THOC7: variants seen among roughly 807,000 people sequenced by gnomAD.
THOC7 encodes the protein THO complex subunit 7, also known as NIF3L1-binding protein 1.
Under a neutral mutation model 33.1 loss-of-function variants are expected in THOC7, and 22 were observed. The ratio of observed to expected loss-of-function variants is 0.66; its 90% CI spans 0.47 to 0.95. THOC7 has a LOEUF of 0.95. Ranked by LOEUF, THOC7 falls within the 40% of genes least tolerant of loss-of-function variation. The probability of loss-of-function intolerance (pLI) is 0.00; values close to 1 mark genes in which losing one functional copy is unlikely to be tolerated. For synonymous variants in THOC7, 77 were observed against 76.8 expected (o/e 1.00, Z -0.01); for missense variants, 184 against 245.3 (o/e 0.75, Z 1.67).
At chr3:63,864,265 C>T (rs1575822173), upstream of THOC7, among the ~76,000 whole-genome samples, 1 of 151,520 alleles carries the variant, frequency 6.6e-6, no homozygotes, top group East Asian at 2.0e-4. Flanking sequence ...TGCGGCCCCG[C>T]CGCCCCATCC....
chr3:63,855,997 T>C (rs1239508142), intron 1 of THOC7, among the ~76,000 whole-genome samples: 1 of 152,244 alleles, frequency 6.6e-6, no homozygotes, highest in Non-Finnish European at 1.5e-5. Context: ...ACTTATCTTT[T>C]AGAAATTATT....
chr3:63,842,822 A>T (rs2107134217), intron 1 of THOC7, among the ~76,000 whole-genome samples: 1 of 152,200 alleles, frequency 6.6e-6, no homozygotes, highest in African/African-American at 2.4e-5. Flanking sequence ...TTCACCACTG[A>T]TCTGGCTGGA....
upstream of THOC7, among the ~76,000 whole-genome samples, chr3:63,864,340 G>T (rs954163434): frequency 5.9e-5 from 9 of 151,992 alleles, no homozygotes; most frequent in Admixed American, 6.5e-5. Context: ...GGGACGCCCG[G>T]ATCCGGCTGA....
At chr3:63,843,121 T>C (rs1210205616) in intron 1 of THOC7, among the ~76,000 whole-genome samples, 2 of 149,624 alleles carry the variant, frequency 1.3e-5, no homozygotes, top group Non-Finnish European at 3.0e-5. Context: ...TATTTGTTTG[T>C]TTGTTTGTTT....
intron 1 of THOC7, among the ~76,000 whole-genome samples, chr3:63,842,547 A>G (rs1701789271): frequency 6.6e-6 from 1 of 152,224 alleles, no homozygotes; most frequent in Admixed American, 6.5e-5. Context: ...TGTCTTCTGC[A>G]GCAACCTGGA....
At chr3:63,850,622 T>C (rs1474456977) in intron 1 of THOC7, among the ~76,000 whole-genome samples, 2 of 142,480 alleles carry the variant, frequency 1.4e-5, no homozygotes, top group African/African-American at 5.4e-5. Context: ...AGTCTCGCTC[T>C]GTCGCCCAGC....
chr3:63,862,373 T>A (rs1702241681), intron 1 of THOC7, among the ~76,000 whole-genome samples: 1 of 152,204 alleles, frequency 6.6e-6, no homozygotes, highest in African/African-American at 2.4e-5. Context: ...TTCCTACAGT[T>A]CCCAACCTTG....
chr3:63,838,315 T>C (rs779672124), intron 3 of THOC7, 57 bp downstream of exon 3: 603 of 1,215,978 alleles, frequency 5.0e-4, no homozygotes, highest in Non-Finnish European at 6.7e-4. Context: ...TAGCAGGTAT[T>C]GTTTCCTTTA....
At chr3:63,860,793 A>G (rs113295452) in intron 1 of THOC7, 193 of 152,324 alleles carry the variant, frequency 1.3e-3, no homozygotes, top group African/African-American at 4.4e-3. Flanking sequence ...GAACTGCCTT[A>G]AATGTTTTCT....
intron 1 of THOC7, chr3:63,863,522 C>G (rs1702289717): frequency 1.7e-6 from 2 of 1,191,928 alleles, no homozygotes; most frequent in Non-Finnish European, 1.0e-6. Flanking sequence ...CCCGCGCTGC[C>G]TCCGGGAGAG....
intron 4 of THOC7, 33 bp from the exon 5 acceptor site, chr3:63,836,391 G>T (rs751415083): frequency 6.2e-7 from 1 of 1,600,582 alleles, no homozygotes; most frequent in East Asian, 2.2e-5. Flanking sequence ...TCAAACTAAG[G>T]ATTTTTTGAA....
intron 1 of THOC7, among the ~76,000 whole-genome samples, chr3:63,856,019 G>A (rs1702109015): frequency 6.6e-6 from 1 of 152,156 alleles, no homozygotes; most frequent in African/African-American, 2.4e-5. Flanking sequence ...CCACAAGTAC[G>A]CGAATATATC....
chr3:63,859,799 T>C (rs1432169974), intron 1 of THOC7, among the ~76,000 whole-genome samples: 1 of 152,188 alleles, frequency 6.6e-6, no homozygotes, highest in Non-Finnish European at 1.5e-5. Flanking sequence ...TCATTTCAGC[T>C]TGATTTTTTC....
rs1229988719 is a variant in THOC7 at position 63,863,763 on chromosome 3, G to A, written c.19+9C>T. ...CAGCGGGCGCGTGTGGCGGCGAGCG[G>A]GGCCTCACCGTCAGTCACGGCTCCC... On this transcript the variant is annotated intron_variant, in intron 1 of 7. Transcript: ENST00000295899. The A allele has an allele frequency of 8.8e-6, 11 of 1,251,838 alleles. No individual in the cohort carries two copies. The highest frequency in any genetic ancestry group is 1.1e-5 in the Non-Finnish European group (11 of 1,005,406). 77.5% of individuals were successfully genotyped at this position (1,251,838 alleles called of 1,614,324 possible).
At chr3:63,841,197 A>G (rs968325996) in intron 1 of THOC7, among the ~76,000 whole-genome samples, 4 of 152,222 alleles carry the variant, frequency 2.6e-5, no homozygotes, top group Non-Finnish European at 5.9e-5. Flanking sequence ...ATATGTGTGG[A>G]AAAAGGAGGC....
At position 63,833,971 on chromosome 3, in the gene THOC7, T is replaced by C. The variant is rs752442373; in HGVS notation, c.*161A>G. On this transcript the variant is annotated 3_prime_UTR_variant, in exon 8 of 8. Coordinates refer to ENST00000295899, the MANE Select transcript of THOC7 (RefSeq NM_025075.4). ...AAAAACAAATCTATACTGAAGTCAT[T>C]TTCCTTTGTGAGAGGAAATATGAAT... 4.1e-5 allele frequency: 27 copies of C among 652,662 alleles called. No homozygotes were observed. Among genetic ancestry groups the C allele is most frequent in the Non-Finnish European group, 6.0e-5 (24 of 402,494 alleles). The allele number at this position is 652,662 out of a possible 1,614,324, so 40.4% of individuals were successfully genotyped here. A position where few individuals can be genotyped will look rare whatever the true frequency, so the allele number is the denominator to read the frequency against.
intron 5 of THOC7, among the ~76,000 whole-genome samples, chr3:63,835,645 A>G (rs1401005694): frequency 6.6e-6 from 1 of 152,142 alleles, no homozygotes; most frequent in African/African-American, 2.4e-5. Context: ...TAACAGAATA[A>G]CAAGACCCAA....
At chr3:63,851,337 G>T (rs761319092) in intron 1 of THOC7, among the ~76,000 whole-genome samples, 2 of 152,140 alleles carry the variant, frequency 1.3e-5, no homozygotes, top group Non-Finnish European at 2.9e-5. Flanking sequence ...CTAAGTTTTG[G>T]TTACACTCTC....
intron 4 of THOC7, 35 bp from the exon 5 acceptor site, chr3:63,836,393 T>G (rs200419688): frequency 1.9e-6 from 3 of 1,599,374 alleles, no homozygotes; most frequent in East Asian, 2.2e-5. Flanking sequence ...AAACTAAGGA[T>G]TTTTTGAATG....
Sources: allele counts gnomAD v4.1 joint callset (sites outside exome capture counted in the v4.1 genomes callset), GRCh38; gene constraint gnomAD v4.1.1; transcripts MANE v1.5; gene names NCBI Gene and HGNC (gene_info 2026-07-23, HGNC 2026-07-21).